MPP7: variants seen among roughly 807,000 people sequenced by gnomAD.
The protein encoded by MPP7 is MAGUK p55 scaffold protein 7, also known as MAGUK p55 subfamily member 7.
MPP7 carries 60 observed loss-of-function variants against 76.5 expected under a neutral mutation model. The ratio of observed to expected loss-of-function variants is 0.78; its 90% CI spans 0.64 to 0.97. The LOEUF is 0.97. Among genes scored for constraint, MPP7 ranks in the 50% least tolerant of loss-of-function variants. MPP7 has a pLI of 0.00. For synonymous variants in MPP7, 237 were observed against 244.5 expected (o/e 0.97, Z 0.29); for missense variants, 641 against 694.0 (o/e 0.92, Z 0.86).
In MPP7 at chr10:28,161,773, T is replaced by A. The variant is rs78624976; in HGVS notation, c.157-11714A>T. Among the ~76,000 whole-genome samples the A allele has an allele frequency of 9.1e-3, 1,383 of 152,324 alleles. 22 individuals carry two copies. Among genetic ancestry groups the A allele is most frequent in the African/African-American group, 0.031 (1,287 of 41,570 alleles). On this transcript the variant is annotated intron_variant, in intron 3 of 16. Transcript: ENST00000683449. The stretch of plus-strand genomic sequence containing the variant: ...ATTATTTCCCCAACTTTTCACTCAA[T>A]AGAAAATTCTAATTCAAATAGATTC...
At position 28,250,626 on chromosome 10, in the gene MPP7, T is replaced by C. The variant is rs556663437; in HGVS notation, c.-131-11891A>G. On this transcript the variant is annotated intron_variant, in intron 1 of 16. Transcript: ENST00000683449. ...TGATGATTCAACCGCACTTTCATGA[T>C]AAAGTTTAAATTCCTTAAATTGAGA... is the stretch of plus-strand genomic sequence containing the variant. 1.5e-4 allele frequency among the ~76,000 whole-genome samples: 23 copies of C among 152,348 alleles called. No homozygotes were observed. The South Asian group carries it at 4.3e-3, about 29-fold the overall frequency.
intron 1 of MPP7, among the ~76,000 whole-genome samples, chr10:28,258,246 G>C (rs1253498402): frequency 7.4e-6 from 1 of 134,638 alleles, no homozygotes; most frequent in Non-Finnish European, 1.6e-5. Flanking sequence ...CCACCAAGAA[G>C]ACAAGAAAGG....
At chr10:28,054,364 A>G (rs918278687) in intron 16 of MPP7, 120 bp from the exon 17 acceptor site, 1 of 606,576 alleles carries the variant, frequency 1.6e-6, no homozygotes, top group Non-Finnish European at 2.8e-6. Flanking sequence ...CTTTCCCCTC[A>G]GCCAGAAATA....
At position 28,262,926 on chromosome 10, in the gene MPP7, T is replaced by C. The variant is rs1010619937; in HGVS notation, c.-131-24191A>G. ...AAAAAATTAGCCAGGAGAGGTGGCA[T>C]GTGCCTATAATCCCAGCTACTCAGG... On this transcript the variant is annotated intron_variant, in intron 1 of 16. Coordinates refer to ENST00000683449, the MANE Select transcript of MPP7 (RefSeq NM_001318170.2). Among the ~76,000 whole-genome samples the C allele has an allele frequency of 2.6e-5, 4 of 152,092 alleles. 1 individual carries two copies. The highest frequency in any genetic ancestry group is 2.6e-4 in the Admixed American group (4 of 15,258).
chr10:28,078,694 C>T (rs143131692), intron 12 of MPP7, among the ~76,000 whole-genome samples: 284 of 151,702 alleles, frequency 1.9e-3, no homozygotes, highest in African/African-American at 6.4e-3. Context: ...ATTTGTATTA[C>T]GTGAAGGTCT....
chr10:28,114,873 G>A (rs41366146), intron 11 of MPP7, among the ~76,000 whole-genome samples: 1 of 152,114 alleles, frequency 6.6e-6, no homozygotes, highest in Non-Finnish European at 1.5e-5. Context: ...CAACATCTTG[G>A]GGAATCCCAG....
chr10:28,245,955 C>T (rs931181063), intron 1 of MPP7, among the ~76,000 whole-genome samples: 6 of 150,526 alleles, frequency 4.0e-5, no homozygotes, highest in Admixed American at 2.0e-4. Context: ...AGAGCAAAAG[C>T]GAAAAAACAA....
intron 1 of MPP7, among the ~76,000 whole-genome samples, chr10:28,265,593 A>T (rs972081037): frequency 6.6e-6 from 1 of 152,170 alleles, no homozygotes; most frequent in African/African-American, 2.4e-5. Flanking sequence ...TTTACATCTT[A>T]AAAAAATTCC....
chr10:28,298,297 A>C (rs1589039233), intron 1 of MPP7, among the ~76,000 whole-genome samples: 3 of 152,216 alleles, frequency 2.0e-5, no homozygotes, highest in Non-Finnish European at 4.4e-5. Flanking sequence ...TGTGCTTCTT[A>C]AATAATAACT....
chr10:28,137,746 C>T lies in MPP7; in HGVS notation c.316-6055G>A, dbSNP rs77281553. Reference sequence around the variant, plus strand: ...CAGACTTGCCTTTAAAAAGGCAATACTTAAATGGAAATTGTGTTTCCATAT... The same window carrying T: ...CAGACTTGCCTTTAAAAAGGCAATATTTAAATGGAAATTGTGTTTCCATAT... On this transcript the variant is annotated intron_variant, in intron 5 of 16. Transcript: ENST00000683449. Among the ~76,000 whole-genome samples the T allele has an allele frequency of 5.9e-3, 903 of 152,270 alleles. 10 individuals are homozygous for T. Among genetic ancestry groups the T allele is most frequent in the African/African-American group, 0.02 (827 of 41,538 alleles).
intron 12 of MPP7, among the ~76,000 whole-genome samples, chr10:28,089,396 C>T (rs1853177323): frequency 6.6e-6 from 1 of 152,090 alleles, no homozygotes; most frequent in Non-Finnish European, 1.5e-5. Context: ...TATTTAATTG[C>T]CCTGATGTAT....
At chr10:28,247,207 A>C (rs17685469) in intron 1 of MPP7, among the ~76,000 whole-genome samples, 8,303 of 152,280 alleles carry the variant, frequency 0.055, 302 homozygotes, top group Non-Finnish European at 0.08. Context: ...ATCTGTAATA[A>C]ATCTGGACAT....
intron 11 of MPP7, among the ~76,000 whole-genome samples, chr10:28,091,594 ATCT>A (rs1853308189): frequency 6.6e-6 from 1 of 152,204 alleles, no homozygotes; most frequent in Non-Finnish European, 1.5e-5. Context: ...AGCCATAGAT[ATCT>A]TTTTTATAAA....
intron 2 of MPP7, among the ~76,000 whole-genome samples, chr10:28,314,860 A>C (rs1358153037): frequency 6.6e-6 from 1 of 152,156 alleles, no homozygotes; most frequent in Non-Finnish European, 1.5e-5. Flanking sequence ...TATTTTTAAG[A>C]AAAAAGGCCG....
intron 12 of MPP7, among the ~76,000 whole-genome samples, chr10:28,087,613 C>T (rs1358255108): frequency 6.6e-6 from 1 of 152,156 alleles, no homozygotes. Context: ...GCAGGCTGGT[C>T]TTGAACTCCT....
chr10:28,152,717 A>G (rs2133786633), intron 3 of MPP7, among the ~76,000 whole-genome samples: 1 of 152,302 alleles, frequency 6.6e-6, no homozygotes, highest in South Asian at 2.1e-4. Context: ...GGAGAACATG[A>G]CATAACTTTA....
chr10:28,141,620 A>G (rs942026156), intron 5 of MPP7, among the ~76,000 whole-genome samples: 6 of 151,334 alleles, frequency 4.0e-5, no homozygotes, highest in African/African-American at 1.5e-4. Flanking sequence ...ATACATATAA[A>G]TATATGCATG....
At chr10:28,175,566 T>C (rs930672317) in intron 3 of MPP7, among the ~76,000 whole-genome samples, 2 of 151,848 alleles carry the variant, frequency 1.3e-5, no homozygotes, top group East Asian at 3.8e-4. Flanking sequence ...ATCAGAAATT[T>C]TAAAAAACAT....
At chr10:28,157,271 A>G (rs1456980419) in intron 3 of MPP7, among the ~76,000 whole-genome samples, 1 of 152,056 alleles carries the variant, frequency 6.6e-6, no homozygotes, top group Non-Finnish European at 1.5e-5. Flanking sequence ...AGTCACTTCA[A>G]AGACGATACA....
Sources: gnomAD v4.1 joint callset for allele counts (sites outside exome capture counted in the v4.1 genomes callset) on GRCh38, gnomAD v4.1.1 for gene constraint, MANE v1.5 for transcripts, NCBI Gene and HGNC (gene_info 2026-07-23, HGNC 2026-07-21) for gene names.